The following ROS1 variants were observed in gnomAD, a reference collection of about 807,000 sequenced individuals.
ROS1 encodes proto-oncogene tyrosine-protein kinase ROS.
ROS1 carries 263 observed loss-of-function variants against 273.5 expected under a neutral mutation model. That is an observed-to-expected ratio of 0.96 (90% CI 0.87 to 1.06). ROS1 has a LOEUF of 1.06. ROS1 is among the 50% of genes least tolerant of loss of function. The pLI, the probability that ROS1 is intolerant of heterozygous loss-of-function variation, is 0.00. For synonymous variants in ROS1, 1,008 were observed against 954.1 expected (o/e 1.06, Z -1.04); for missense variants, 2,833 against 2,751.1 (o/e 1.03, Z -0.67).
At chr6:117,367,396 T>C (rs770255478) in intron 18 of ROS1, among the ~76,000 whole-genome samples, 1 of 152,238 alleles carries the variant, frequency 6.6e-6, no homozygotes, top group Non-Finnish European at 1.5e-5. Context: ...CTCCAGTACC[T>C]AGGCACACAG....
rs1459800881 is a variant in ROS1 at position 117,357,985 on chromosome 6, C to T, written c.3658G>A (p.Asp1220Asn). Residue 1220 changes from aspartate (D) to asparagine (N), a missense_variant, in exon 25 of 44, where the codon GAT becomes AAT. Transcript: ENST00000368507. ...SELFQDSLVF[D>N]ITVITIDWIS... ...CAGTCAATTGTAATAACTGTGATATCAAAAACCAGTGAATCTTGGAAAAGC... is the reference window on the plus strand; with the variant it reads ...CAGTCAATTGTAATAACTGTGATATTAAAAACCAGTGAATCTTGGAAAAGC... 6.2e-7 allele frequency: 1 copy of T among 1,612,906 alleles called. No homozygotes were observed. The highest frequency in any genetic ancestry group is 2.2e-5 in the East Asian group (1 of 44,812).
intron 31 of ROS1, among the ~76,000 whole-genome samples, chr6:117,339,115 C>T (rs1212275971): frequency 1.3e-5 from 2 of 152,186 alleles, no homozygotes; most frequent in Non-Finnish European, 2.9e-5. Context: ...GCTTGTCCAA[C>T]TTTCAGCTTG....
At chr6:117,416,111 C>T (rs1256896366) in intron 3 of ROS1, 147 bp downstream of exon 3, 3 of 627,716 alleles carry the variant, frequency 4.8e-6, no homozygotes, top group East Asian at 5.5e-5. Flanking sequence ...ATTATCCAGG[C>T]TATTGGTTTT....
At chr6:117,412,570 T>TGATA (rs748715963) in intron 4 of ROS1, among the ~76,000 whole-genome samples, 156 of 147,532 alleles carry the variant, frequency 1.1e-3, no homozygotes, top group Non-Finnish European at 9.0e-4. Flanking sequence ...ATAACTGAGG[T>TGATA]GATAGATAGA....
chr6:117,384,913 C>T (rs1274938556), intron 16 of ROS1, among the ~76,000 whole-genome samples: 1 of 152,188 alleles, frequency 6.6e-6, no homozygotes, highest in Non-Finnish European at 1.5e-5. Context: ...GCTTCTGTGC[C>T]TAAAGTCACA....
At chr6:117,357,696 G>T in intron 25 of ROS1, 108 bp downstream of exon 25, 1 of 725,504 alleles carries the variant, frequency 1.4e-6, no homozygotes, top group Non-Finnish European at 2.2e-6. Context: ...AGAGCCCTAA[G>T]CATCTTATTT....
chr6:117,407,307 T>A (rs533581565), intron 5 of ROS1, among the ~76,000 whole-genome samples: 2 of 151,844 alleles, frequency 1.3e-5, no homozygotes, highest in African/African-American at 4.8e-5. Context: ...CCCTAGGGAA[T>A]TCTGGAAATG....
intron 28 of ROS1, among the ~76,000 whole-genome samples, chr6:117,343,852 G>A (rs2128625520): frequency 6.6e-6 from 1 of 152,204 alleles, no homozygotes; most frequent in East Asian, 1.9e-4. Flanking sequence ...ATCCATCAAT[G>A]GGCAAGAGTT....
intron 21 of ROS1, among the ~76,000 whole-genome samples, chr6:117,363,676 A>G (rs888700945): frequency 6.6e-6 from 1 of 152,096 alleles, no homozygotes; most frequent in Non-Finnish European, 1.5e-5. Context: ...GAGTGCACTA[A>G]AGTTTCCATT....
At chr6:117,327,033 A>G (rs1021645524) in intron 33 of ROS1, among the ~76,000 whole-genome samples, 1 of 152,234 alleles carries the variant, frequency 6.6e-6, no homozygotes, top group Non-Finnish European at 1.5e-5. Flanking sequence ...CAGAATCATC[A>G]AAGGCAAGCT....
intron 33 of ROS1, among the ~76,000 whole-genome samples, chr6:117,327,977 T>C (rs1157431802): frequency 2.6e-5 from 4 of 152,116 alleles, no homozygotes; most frequent in Non-Finnish European, 5.9e-5. Flanking sequence ...CCTAGAACCA[T>C]CAGAACAAGC....
At chr6:117,422,559 T>G (rs1303285658) in intron 1 of ROS1, among the ~76,000 whole-genome samples, 2 of 150,410 alleles carry the variant, frequency 1.3e-5, no homozygotes, top group African/African-American at 5.0e-5. Flanking sequence ...TATGATCTTA[T>G]TATATTATTT....
rs779854799 is a variant in ROS1 at position 117,356,629 on chromosome 6, C to T, written c.4126G>A (p.Gly1376Arg). 1.2e-5 allele frequency: 19 copies of T among 1,607,252 alleles called. No homozygotes were observed. The highest frequency in any genetic ancestry group is 2.7e-5 in the African/African-American group (2 of 74,782). ...WRVITVPAML[G>R]KTLVSLTVDG... ...CTGTGCACATACATCAGCATCTTAC[C>T]GAGCATAGCAGGTACTGTGATAACT... The change falls in exon 26 of 44, where the codon GGA becomes AGA. Residue 1376 changes from glycine to arginine, a missense_variant and splice_region_variant. Transcript: ENST00000368507.
rs2128575468 is a variant in ROS1 at position 117,324,485 on chromosome 6, C to G, written c.5540-70G>C. The G allele has an allele frequency of 2.4e-5, 17 of 722,470 alleles. 1 individual carries two copies. The South Asian group carries it at 3.0e-4, about 13-fold the overall frequency. The allele number at this position is 722,470 out of a possible 1,614,324, so 44.8% of individuals were successfully genotyped here. The stretch of plus-strand genomic sequence containing the variant: ...CTAAGTTGCCCCAGCTCTACCTAAG[C>G]ACACAGAGTAATATAGCAGAGCTAG... On this transcript the variant is annotated intron_variant, in intron 34 of 43. Coordinates refer to ENST00000368507, the MANE Select transcript of ROS1 (RefSeq NM_001378902.1).
chr6:117,380,780 C>G (rs1381501746), intron 17 of ROS1, among the ~76,000 whole-genome samples: 1 of 152,050 alleles, frequency 6.6e-6, no homozygotes, highest in Non-Finnish European at 1.5e-5. Context: ...AACTAAAACC[C>G]TTATGCTAAA....
chr6:117,414,402 G>C (rs1324180114), intron 4 of ROS1, 117 bp downstream of exon 4: 1 of 668,314 alleles, frequency 1.5e-6, no homozygotes, highest in Non-Finnish European at 2.7e-6. Context: ...CTTTGAGGAA[G>C]AATGTCTCAG....
chr6:117,311,805 T>C lies in ROS1; in HGVS notation c.6118-688A>G, dbSNP rs533909678. Among the ~76,000 whole-genome samples the C allele has an allele frequency of 3.9e-5, 6 of 152,268 alleles. No homozygotes were observed. The East Asian group carries it at 1.2e-3, about 29-fold the overall frequency. ...TGATTTCTACATGAAAAGAAGCCAG[T>C]TGAAGTTTTTATTAGTACCATACTG... is the stretch of plus-strand genomic sequence containing the variant. On this transcript the variant is annotated intron_variant, in intron 39 of 43. Transcript: ENST00000368507.
At chr6:117,307,399 C>T (rs990969488) in intron 42 of ROS1, among the ~76,000 whole-genome samples, 8 of 152,096 alleles carry the variant, frequency 5.3e-5, no homozygotes, top group Admixed American at 4.6e-4. Flanking sequence ...GCAAAAATTT[C>T]TGAGTGTTTG....
chr6:117,317,923 A>C (rs548971977), intron 38 of ROS1, among the ~76,000 whole-genome samples: 3 of 152,168 alleles, frequency 2.0e-5, no homozygotes, highest in Non-Finnish European at 4.4e-5. Flanking sequence ...GTCAAAAGCC[A>C]AACAGCTTCA....
Sources: allele counts gnomAD v4.1 joint callset (sites outside exome capture counted in the v4.1 genomes callset), GRCh38; gene constraint gnomAD v4.1.1; transcripts MANE v1.5; gene names NCBI Gene and HGNC (gene_info 2026-07-23, HGNC 2026-07-21).